LRGUK: variants seen among roughly 807,000 people sequenced by gnomAD.
LRGUK encodes the protein leucine rich repeats and guanylate kinase domain containing, also known as leucine-rich repeat and guanylate kinase domain-containing protein.
A neutral mutation model predicts 76.0 loss-of-function variants in LRGUK; 65 were observed. That is an observed-to-expected ratio of 0.85 (90% CI 0.70 to 1.05). LRGUK has a LOEUF of 1.05. LRGUK is among the 50% of genes least tolerant of loss of function. LRGUK has a pLI of 0.00. For synonymous variants in LRGUK, 268 were observed against 265.6 expected (o/e 1.01, Z -0.09); for missense variants, 758 against 732.8 (o/e 1.03, Z -0.40).
At chr7:134,206,531 A>G (rs1332171350) in intron 15 of LRGUK, among the ~76,000 whole-genome samples, 3 of 150,428 alleles carry the variant, frequency 2.0e-5, no homozygotes, top group Non-Finnish European at 4.4e-5. Context: ...ATAAATAAAT[A>G]CATATATATA....
rs185533117 is a variant in LRGUK, at chr7:134,138,236, A to C, written c.405+1106A>C. Among the ~76,000 whole-genome samples, 31 of 152,300 alleles carry C rather than the reference A, an allele frequency of 2.0e-4. 1 individual carries two copies. The East Asian group carries it at 5.8e-3, about 28-fold the overall frequency. On this transcript the variant is annotated intron_variant, in intron 2 of 15. Transcript: ENST00000645682. ...GTAGGTAGTGCTATGCCTTAAATTG[A>C]TCTACCCCAAAAAGCAATCCTTTAA...
chr7:134,232,036 A>G (rs1801913995), intron 16 of LRGUK, among the ~76,000 whole-genome samples: 4 of 152,060 alleles, frequency 2.6e-5, no homozygotes, highest in Admixed American at 6.5e-5. Context: ...TGATTTTTCA[A>G]TATCAGCAGA....
At position 134,258,380 on chromosome 7, in the gene LRGUK, C is replaced by T. The variant is rs961067821; in HGVS notation, c.2322C>T (p.Asp774=). 8 of 1,613,820 alleles carry T rather than the reference C, an allele frequency of 5.0e-6. No individual in the cohort carries two copies. In the African/African-American group the frequency reaches 6.7e-5, roughly 13 times the overall value. ...CACACCTAGGATCAGGAGCCAGTGA[C>T]AGTGAGACCGAAGAGACCCGGAAAG... Residue 774 remains aspartate (D), a synonymous_variant, in exon 19 of 20, where the codon GAC becomes GAT. Coordinates refer to the LRGUK transcript ENST00000285928.
At chr7:134,215,610 A>G (rs1204838174) in intron 15 of LRGUK, among the ~76,000 whole-genome samples, 1 of 152,182 alleles carries the variant, frequency 6.6e-6, no homozygotes, top group East Asian at 1.9e-4. Flanking sequence ...CTTTTAAAAA[A>G]AAAAGGCACT....
chr7:134,181,490 G>T (rs1429008871), intron 10 of LRGUK, among the ~76,000 whole-genome samples: 4 of 149,630 alleles, frequency 2.7e-5, no homozygotes, highest in African/African-American at 9.9e-5. Context: ...GATATTTCAG[G>T]TATAATGTGT....
chr7:134,178,413 A>G (rs73439483), intron 9 of LRGUK, 90 bp from the exon 10 acceptor site: 4 of 896,444 alleles, frequency 4.5e-6, no homozygotes, highest in Non-Finnish European at 6.8e-6. Flanking sequence ...GCTGCACGTG[A>G]ACAACATTTC....
chr7:134,173,885 C>T (rs977945586), intron 7 of LRGUK, among the ~76,000 whole-genome samples: 3 of 152,054 alleles, frequency 2.0e-5, no homozygotes, highest in South Asian at 2.1e-4. Flanking sequence ...CTGTGGCAGG[C>T]GGATCACAAG....
At chr7:134,180,429 A>G (rs941860063) in intron 10 of LRGUK, among the ~76,000 whole-genome samples, 1 of 152,132 alleles carries the variant, frequency 6.6e-6, no homozygotes, top group Non-Finnish European at 1.5e-5. Flanking sequence ...TAGATGGATT[A>G]AATACCTCCT....
intron 16 of LRGUK, among the ~76,000 whole-genome samples, chr7:134,242,425 T>G (rs1256893050): frequency 6.6e-6 from 1 of 151,410 alleles, no homozygotes; most frequent in Admixed American, 6.6e-5. Flanking sequence ...CTATAAACAC[T>G]TCTATGCAAA....
chr7:134,241,460 G>A (rs1048651888), intron 16 of LRGUK, among the ~76,000 whole-genome samples: 1 of 152,160 alleles, frequency 6.6e-6, no homozygotes, highest in Non-Finnish European at 1.5e-5. Context: ...GACAAAGAAA[G>A]CCATTACATA....
chr7:134,173,092 C>T (rs1650074640), intron 7 of LRGUK, among the ~76,000 whole-genome samples: 1 of 150,980 alleles, frequency 6.6e-6, no homozygotes, highest in Non-Finnish European at 1.5e-5. Context: ...CTGAATAATA[C>T]AATAGAAAAC....
chr7:134,262,030 T>C (rs1400597127), intron 19 of LRGUK, among the ~76,000 whole-genome samples: 1 of 152,224 alleles, frequency 6.6e-6, no homozygotes, highest in Non-Finnish European at 1.5e-5. Context: ...ACTATAGTAT[T>C]TTATAAATAC....
intron 18 of LRGUK, among the ~76,000 whole-genome samples, chr7:134,255,634 C>T (rs1305240086): frequency 6.6e-6 from 1 of 152,138 alleles, no homozygotes; most frequent in Non-Finnish European, 1.5e-5. Context: ...CCAAGATATG[C>T]CAGCATCTCC....
At chr7:134,193,392 A>T (rs2117059447) in intron 12 of LRGUK, among the ~76,000 whole-genome samples, 1 of 152,118 alleles carries the variant, frequency 6.6e-6, no homozygotes, top group Middle Eastern at 3.4e-3. Context: ...GTATGAGGCA[A>T]TTTTTTTCTC....
At chr7:134,137,303 A>G (rs1797578765) in intron 2 of LRGUK, among the ~76,000 whole-genome samples, 173 bp downstream of exon 2, 1 of 152,216 alleles carries the variant, frequency 6.6e-6, no homozygotes, top group Non-Finnish European at 1.5e-5. Context: ...AAGAGCCCTG[A>G]CCAATTCAGT....
intron 12 of LRGUK, among the ~76,000 whole-genome samples, chr7:134,195,897 G>T (rs1008324316): frequency 4.6e-5 from 7 of 152,076 alleles, no homozygotes; most frequent in African/African-American, 1.7e-4. Context: ...CTCATCACCT[G>T]CAGCAGACAC....
At chr7:134,212,332 A>T (rs1052650571), downstream of LRGUK, among the ~76,000 whole-genome samples, 1 of 152,240 alleles carries the variant, frequency 6.6e-6, no homozygotes, top group Admixed American at 6.5e-5. Flanking sequence ...TGTGACTCTT[A>T]AAAAGCTGCA....
intron 18 of LRGUK, 52 bp from the exon 19 acceptor site, chr7:134,258,205 A>G (rs1182514758): frequency 8.1e-6 from 13 of 1,608,810 alleles, no homozygotes; most frequent in African/African-American, 1.3e-5. Context: ...TGTGGCCATT[A>G]GTAGCGAATA....
chr7:134,228,118 TA>T (rs1445085515), intron 16 of LRGUK, among the ~76,000 whole-genome samples: 1 of 152,162 alleles, frequency 6.6e-6, no homozygotes, highest in Non-Finnish European at 1.5e-5. Flanking sequence ...TCATAGGGGA[TA>T]AAATTACTTT....
Sources: gnomAD v4.1 joint callset for allele counts (sites outside exome capture counted in the v4.1 genomes callset) on GRCh38, gnomAD v4.1.1 for gene constraint, MANE v1.5 for transcripts, NCBI Gene and HGNC (gene_info 2026-07-23, HGNC 2026-07-21) for gene names.